Variants in WBP2NL observed in about 807,000 individuals in gnomAD.
WBP2NL encodes postacrosomal sheath WW domain-binding protein.
Under a neutral mutation model 23.3 loss-of-function variants are expected in WBP2NL, and 27 were observed. The observed-to-expected ratio is 1.16, with a 90% CI of 0.85 to 1.60. The LOEUF (loss-of-function observed/expected upper bound fraction) is 1.60, where lower values mean the gene tolerates loss of function less well. Among genes scored for constraint, WBP2NL ranks in the 40% most tolerant of loss-of-function variants. The pLI, the probability that WBP2NL is intolerant of heterozygous loss-of-function variation, is 0.00. For synonymous variants in WBP2NL, 151 were observed against 145.9 expected, an observed-to-expected ratio of 1.03 and a Z score of -0.25; for missense variants, 370 against 389.5, an observed-to-expected ratio of 0.95 and a Z score of 0.42.
chr22:42,033,908 C>T (rs138239304), downstream of WBP2NL, among the ~76,000 whole-genome samples: 37 of 152,336 alleles, frequency 2.4e-4, no homozygotes, highest in Non-Finnish European at 3.7e-4. Flanking sequence ...TCACTCCAGT[C>T]CATGGGACTG....
chr22:42,042,642 G>A (rs544970041), intron 8 of WBP2NL, among the ~76,000 whole-genome samples: 1 of 152,056 alleles, frequency 6.6e-6, no homozygotes, highest in Non-Finnish European at 1.5e-5. Context: ...TTTATCAGGC[G>A]GTTCATGGAT....
At chr22:42,003,856 G>A (rs1306610854) in intron 1 of WBP2NL, among the ~76,000 whole-genome samples, 1 of 152,200 alleles carries the variant, frequency 6.6e-6, no homozygotes, top group Non-Finnish European at 1.5e-5. Context: ...TAAATTGAAG[G>A]AAGAACAAAC....
chr22:42,025,248 T>A (rs1350190519), intron 5 of WBP2NL, among the ~76,000 whole-genome samples: 1 of 152,248 alleles, frequency 6.6e-6, no homozygotes, highest in Non-Finnish European at 1.5e-5. Flanking sequence ...TTTTATAGTT[T>A]TAGCTCTTAT....
rs574612840 is a variant in WBP2NL at position 42,026,917 on chromosome 22, T to A, written c.666T>A (p.Leu222=). 6.2e-7 allele frequency: 1 copy of A among 1,604,534 alleles called. No individual in the cohort carries two copies. Among genetic ancestry groups the A allele is most frequent in the Non-Finnish European group, 8.5e-7 (1 of 1,177,530 alleles). Reference sequence around the variant, plus strand: ...CTGTGCGATATGGAGCCCCACCTCTTGGATACGGAGCCCCACCTGCAGGAT... The same window carrying A: ...CTGTGCGATATGGAGCCCCACCTCTAGGATACGGAGCCCCACCTGCAGGAT... ...ASPVRYGAPP[L]GYGAPPAGYG... Residue 222 remains leucine, a synonymous_variant, in exon 6 of 6, where the codon CTT becomes CTA. Coordinates refer to ENST00000328823, the MANE Select transcript of WBP2NL (RefSeq NM_152613.3).
chr22:42,016,395 C>T (rs553672063), intron 1 of WBP2NL, among the ~76,000 whole-genome samples: 42 of 152,312 alleles, frequency 2.8e-4, no homozygotes, highest in Middle Eastern at 3.4e-3. Context: ...AGTCAAACTA[C>T]AATTTTTAAA....
rs886362626 is a variant in WBP2NL at position 42,028,142 on chromosome 22, A to G, written c.*961A>G. On this transcript the variant is annotated 3_prime_UTR_variant, in exon 6 of 6. Coordinates refer to ENST00000328823, the MANE Select transcript of WBP2NL (RefSeq NM_152613.3). ...AACAGCACAAAATTAGAAATAACCTATATGTCCATTAATAGGAAATATATG... is the reference window on the plus strand; with the variant it reads ...AACAGCACAAAATTAGAAATAACCTGTATGTCCATTAATAGGAAATATATG... The G allele has an allele frequency of 5.0e-6, 2 of 398,340 alleles. No homozygotes were observed. The highest frequency in any genetic ancestry group is 2.1e-5 in the African/African-American group (1 of 48,626). 24.7% of individuals were successfully genotyped at this position (398,340 alleles called of 1,614,324 possible). A position where few individuals can be genotyped will look rare whatever the true frequency, so the allele number is the denominator to read the frequency against.
intron 1 of WBP2NL, among the ~76,000 whole-genome samples, chr22:42,007,444 CTT>C (rs897323381): frequency 3.3e-5 from 5 of 152,130 alleles, no homozygotes; most frequent in African/African-American, 1.2e-4. Flanking sequence ...TTAAAATACA[CTT>C]ATTGCAGAAT....
intron 8 of WBP2NL, among the ~76,000 whole-genome samples, chr22:42,039,924 T>TG (rs1569453862): frequency 6.7e-6 from 1 of 150,130 alleles, no homozygotes; most frequent in African/African-American, 2.5e-5. Flanking sequence ...TTTTTTTTTT[T>TG]CCTCGAGATG....
intron 8 of WBP2NL, among the ~76,000 whole-genome samples, chr22:42,046,231 C>T (rs133357): frequency 0.39 from 59,707 of 152,012 alleles, 14,337 homozygotes; most frequent in East Asian, 0.84. Flanking sequence ...AAGCAGACAG[C>T]TTTACTTTAT....
At chr22:41,998,980 T>G in intron 1 of WBP2NL, 100 bp downstream of exon 1, 2 of 1,358,994 alleles carry the variant, frequency 1.5e-6, no homozygotes, top group Non-Finnish European at 2.0e-6. Flanking sequence ...CTTTGCCGCC[T>G]TTTTTGGGCG....
At chr22:42,037,160 G>A (rs1925215306), downstream of WBP2NL, among the ~76,000 whole-genome samples, 1 of 126,214 alleles carries the variant, frequency 7.9e-6, no homozygotes, top group East Asian at 2.5e-4. Flanking sequence ...GTGTGTGTGT[G>A]TGTGTAGATA....
chr22:42,001,548 C>A, intron 1 of WBP2NL: 2 of 923,216 alleles, frequency 2.2e-6, no homozygotes, highest in Non-Finnish European at 3.4e-6. Context: ...TCAGCTGCTA[C>A]ACGAGTATGG....
At chr22:42,025,054 C>T (rs966948901) in intron 5 of WBP2NL, among the ~76,000 whole-genome samples, 7 of 152,288 alleles carry the variant, frequency 4.6e-5, no homozygotes, top group African/African-American at 1.7e-4. Flanking sequence ...CTGCCTGCCT[C>T]GGCCAGTGGG....
At position 42,012,473 on chromosome 22, in the gene WBP2NL, A is replaced by T. The variant is rs1223801355; in HGVS notation, c.63-6838A>T. ...ATTTCTTCTTTGACTCATTTATTTAATAGTGTATTGTTTAATTTCCACATA... is the reference window on the plus strand; with the variant it reads ...ATTTCTTCTTTGACTCATTTATTTATTAGTGTATTGTTTAATTTCCACATA... On this transcript the variant is annotated intron_variant, in intron 1 of 5. Transcript: ENST00000328823. Among the ~76,000 whole-genome samples, 5 of 152,020 alleles carry T rather than the reference A, an allele frequency of 3.3e-5. No homozygotes were observed. The East Asian group carries it at 9.6e-4, about 29-fold the overall frequency.
chr22:42,055,767 C>A (rs1926006250), intron 8 of WBP2NL, among the ~76,000 whole-genome samples: 1 of 151,750 alleles, frequency 6.6e-6, no homozygotes, highest in Admixed American at 6.6e-5. Context: ...GTGGATTGAT[C>A]TTCTCAATTT....
At chr22:42,000,584 C>T (rs1287273287) in intron 1 of WBP2NL, among the ~76,000 whole-genome samples, 2 of 152,024 alleles carry the variant, frequency 1.3e-5, no homozygotes, top group Non-Finnish European at 2.9e-5. Context: ...TTCCCATTTC[C>T]AACCAGTGAA....
intron 1 of WBP2NL, among the ~76,000 whole-genome samples, chr22:42,000,346 C>T (rs973433548): frequency 2.2e-4 from 34 of 152,212 alleles, no homozygotes; most frequent in African/African-American, 8.2e-4. Context: ...GCTCACCACT[C>T]TGACAGTGGT....
At position 42,026,990 on chromosome 22, in the gene WBP2NL, A is replaced by AC. The variant is rs1569451800; in HGVS notation, c.743dup (p.Pro249ThrfsTer19). ...TGGAGCCCCACCTCTTGGATATGGA[A>AC]CCCCACCTCTCGGATATGGAGCCCC... On this transcript the variant is annotated frameshift_variant, in exon 6 of 6. Coordinates refer to ENST00000328823, the MANE Select transcript of WBP2NL (RefSeq NM_152613.3). LOFTEE classifies it low-confidence loss of function (END_TRUNC). 6.4e-6 allele frequency: 10 copies of AC among 1,563,900 alleles called. No homozygotes were observed. Among genetic ancestry groups the AC allele is most frequent in the Non-Finnish European group, 8.6e-6 (10 of 1,159,346 alleles).
chr22:42,045,002 AT>A (rs1925531028), intron 8 of WBP2NL, among the ~76,000 whole-genome samples: 1 of 151,202 alleles, frequency 6.6e-6, no homozygotes, highest in African/African-American at 2.4e-5. Flanking sequence ...TTTATTTTTT[AT>A]TTTTTTAAGA....
Sources: allele counts gnomAD v4.1 joint callset (sites outside exome capture counted in the v4.1 genomes callset), GRCh38; gene constraint gnomAD v4.1.1; transcripts MANE v1.5; gene names NCBI Gene and HGNC (gene_info 2026-07-23, HGNC 2026-07-21).